Variants in ABCC1 observed in about 807,000 individuals in gnomAD.
ABCC1 encodes ATP binding cassette subfamily C member 1 (ABCC1 blood group).
A neutral mutation model predicts 172.9 loss-of-function variants in ABCC1; 83 were observed. That is an observed-to-expected ratio of 0.48 (90% CI 0.40 to 0.58). The LOEUF is 0.58. Among genes scored for constraint, ABCC1 ranks in the 20% least tolerant of loss-of-function variants. The pLI is 0.00. For synonymous variants in ABCC1, 937 were observed against 825.2 expected, an observed-to-expected ratio of 1.14 and a Z score of -2.32; for missense variants, 1,817 against 2,002.7, an observed-to-expected ratio of 0.91 and a Z score of 1.77.
chr16:16,070,919 CAAT>C (rs1009499987), intron 13 of ABCC1, among the ~76,000 whole-genome samples: 5 of 152,094 alleles, frequency 3.3e-5, no homozygotes, highest in East Asian at 3.9e-4. Flanking sequence ...AGCAAACTAA[CAAT>C]AAGTTTTTAC....
intron 5 of ABCC1, among the ~76,000 whole-genome samples, chr16:16,029,343 C>T (rs7198872): frequency 0.13 from 19,029 of 152,108 alleles, 1,651 homozygotes; most frequent in African/African-American, 0.24. Flanking sequence ...GTGCCTCAGC[C>T]TCTTGAGTAG....
chr16:16,124,663 C>A, intron 24 of ABCC1, 126 bp from the exon 25 acceptor site: 1 of 1,384,596 alleles, frequency 7.2e-7, no homozygotes, highest in Non-Finnish European at 9.9e-7. Context: ...AGGAAGGACT[C>A]TCTCTGGAAT....
In ABCC1 at chr16:16,045,878, G is replaced by T; in HGVS notation, c.1083G>T (p.Trp361Cys). The T allele has an allele frequency of 6.2e-7, 1 of 1,614,156 alleles. No homozygotes were observed. Among genetic ancestry groups the T allele is most frequent in the South Asian group, 1.1e-5 (1 of 91,068 alleles). Residue 361 changes from tryptophan to cysteine, a missense_variant, in exon 9 of 31, where the codon TGG becomes TGT. Trp to Cys is a radical substitution (Grantham distance 215). Around this residue, in one of 3 missense-constraint regions of ABCC1, gnomAD observed 1,412 missense variants for 1,600.3 expected, o/e 0.88. Transcript: ENST00000399410. ...TGAATGACACGAAGGCCCCAGACTG[G>T]CAGGGCTACTTCTACACCGTGCTGC... ...KFVNDTKAPD[W>C]QGYFYTVLLF...
chr16:16,131,369 C>T (rs1567439467), intron 26 of ABCC1, among the ~76,000 whole-genome samples: 1 of 152,136 alleles, frequency 6.6e-6, no homozygotes, highest in Non-Finnish European at 1.5e-5. Flanking sequence ...TGTCACTCTT[C>T]TTGTTTATGT....
intron 14 of ABCC1, 111 bp downstream of exon 14, chr16:16,071,840 C>A: frequency 1.0e-6 from 1 of 990,972 alleles, no homozygotes; most frequent in Non-Finnish European, 1.5e-6. Flanking sequence ...TGACTCTGCC[C>A]AGCCGCTTGT....
chr16:16,033,217 G>A, intron 6 of ABCC1, 47 bp downstream of exon 6: 5 of 1,532,910 alleles, frequency 3.3e-6, no homozygotes, highest in Non-Finnish European at 4.5e-6. Flanking sequence ...GGGAGTGAAT[G>A]AATGAATGAA....
At chr16:16,083,147 C>T (rs1201342852) in intron 16 of ABCC1, among the ~76,000 whole-genome samples, 1 of 152,180 alleles carries the variant, frequency 6.6e-6, no homozygotes, top group Non-Finnish European at 1.5e-5. Flanking sequence ...CTCTTTGACT[C>T]CTGATATTGG....
chr16:16,024,574 A>C (rs2048308221), intron 5 of ABCC1, among the ~76,000 whole-genome samples: 1 of 152,088 alleles, frequency 6.6e-6, no homozygotes, highest in Non-Finnish European at 1.5e-5. Flanking sequence ...GCTGGTCTTG[A>C]ACTCCTGAGC....
chr16:16,135,202 A>G (rs928549240), intron 28 of ABCC1, among the ~76,000 whole-genome samples: 2 of 152,176 alleles, frequency 1.3e-5, no homozygotes, highest in African/African-American at 4.8e-5. Flanking sequence ...GTGCACCTGC[A>G]GGCTTGTTAC....
At position 16,086,932 on chromosome 16, in the gene ABCC1, C is replaced by T. The variant is rs772033548; in HGVS notation, c.2401C>T (p.His801Tyr). ...TGATCCCCTCTCAGCAGTGGATGCC[C>T]ATGTGGGAAAACACATCTTTGAAAA... ...FDDPLSAVDA[H>Y]VGKHIFENVI... The change falls in exon 18 of 31, where the codon CAT (histidine) becomes TAT (tyrosine). Residue 801 changes from histidine (H) to tyrosine (Y), a missense_variant. By Grantham distance (83) the His-to-Tyr change is moderately conservative. This residue lies in a region of ABCC1 where 1,412 missense variants were observed against 1,600.3 expected (regional missense o/e 0.88). Transcript: ENST00000399410. The T allele has an allele frequency of 1.2e-6, 2 of 1,614,182 alleles. No homozygotes were observed. The highest frequency in any genetic ancestry group is 1.3e-5 in the African/African-American group (1 of 75,056).
At chr16:15,963,708 C>G (rs548745414) in intron 1 of ABCC1, among the ~76,000 whole-genome samples, 1 of 152,262 alleles carries the variant, frequency 6.6e-6, no homozygotes, top group South Asian at 2.1e-4. Context: ...TGGCTGGGCA[C>G]CAAGTCCTAA....
intron 11 of ABCC1, among the ~76,000 whole-genome samples, chr16:16,054,220 C>G (rs1354967787): frequency 6.6e-6 from 1 of 152,086 alleles, no homozygotes; most frequent in Non-Finnish European, 1.5e-5. Flanking sequence ...GATGATCCAC[C>G]CGCCTCGGCC....
intron 27 of ABCC1, among the ~76,000 whole-genome samples, chr16:16,132,928 T>G (rs1424539545): frequency 2.0e-5 from 3 of 152,128 alleles, no homozygotes; most frequent in Admixed American, 1.3e-4. Context: ...CAACATCAGG[T>G]CAATCCTCCC....
chr16:15,957,359 T>C (rs1289115417), intron 1 of ABCC1, among the ~76,000 whole-genome samples: 1 of 151,748 alleles, frequency 6.6e-6, no homozygotes, highest in Non-Finnish European at 1.5e-5. Flanking sequence ...GTGCTGGGAT[T>C]ATAGGTGTGA....
At chr16:16,136,380 C>A in intron 28 of ABCC1, 98 bp from the exon 29 acceptor site, 1 of 1,344,494 alleles carries the variant, frequency 7.4e-7, no homozygotes, top group Non-Finnish European at 1.0e-6. Context: ...TCTGATACCC[C>A]ACCTTCAACA....
At chr16:16,119,861 G>A (rs1242566133) in intron 23 of ABCC1, among the ~76,000 whole-genome samples, 1 of 152,168 alleles carries the variant, frequency 6.6e-6, no homozygotes, top group Non-Finnish European at 1.5e-5. Context: ...AAGGAGATGT[G>A]GTCCAGGGTA....
chr16:16,070,189 C>T (rs2050285749), intron 13 of ABCC1, among the ~76,000 whole-genome samples: 1 of 151,132 alleles, frequency 6.6e-6, no homozygotes, highest in Admixed American at 6.6e-5. Flanking sequence ...CAAAATCAGC[C>T]TGGGCAATGA....
At chr16:16,065,514 C>T (rs778791964) in intron 12 of ABCC1, among the ~76,000 whole-genome samples, 11 of 152,120 alleles carry the variant, frequency 7.2e-5, no homozygotes, top group Admixed American at 3.3e-4. Context: ...CTCACTGCAA[C>T]CTCCACCTCC....
chr16:15,962,765 C>T (rs148003813), intron 1 of ABCC1, among the ~76,000 whole-genome samples: 4 of 152,344 alleles, frequency 2.6e-5, no homozygotes, highest in Admixed American at 2.6e-4. Context: ...AGTGAGGTCC[C>T]TCCACCAACA....
Sources: gnomAD v4.1 joint callset for allele counts (sites outside exome capture counted in the v4.1 genomes callset) on GRCh38, gnomAD v4.1.1 for gene constraint, gnomAD v4.1.1 regional missense constraint, MANE v1.5 for transcripts, NCBI Gene and HGNC (gene_info 2026-07-23, HGNC 2026-07-21) for gene names.